WDR7: variants seen among roughly 807,000 people sequenced by gnomAD.
WDR7 encodes WD repeat-containing protein 7.
WDR7 carries 46 observed loss-of-function variants against 169.4 expected under a neutral mutation model. The ratio of observed to expected loss-of-function variants is 0.27; its 90% CI spans 0.21 to 0.35. The LOEUF is 0.35. WDR7 is among the 10% of genes least tolerant of loss of function. WDR7 has a pLI of 1.00. For synonymous variants in WDR7, 612 were observed against 666.8 expected, an observed-to-expected ratio of 0.92 and a Z score of 1.27; for missense variants, 1,534 against 1,859.3, an observed-to-expected ratio of 0.83 and a Z score of 3.22.
intron 16 of WDR7, among the ~76,000 whole-genome samples, chr18:56,760,781 T>C (rs1180611194): frequency 6.6e-6 from 1 of 152,224 alleles, no homozygotes; most frequent in East Asian, 1.9e-4. Flanking sequence ...TTCATCACAA[T>C]GGCTAAAGTG....
At chr18:57,001,272 A>G (rs1332040994) in intron 26 of WDR7, among the ~76,000 whole-genome samples, 6 of 152,140 alleles carry the variant, frequency 3.9e-5, no homozygotes, top group South Asian at 4.2e-4. Context: ...TTCAAGGAGA[A>G]GAACACTTCC....
chr18:56,915,319 A>G (rs1200431051), intron 21 of WDR7, among the ~76,000 whole-genome samples: 2 of 152,192 alleles, frequency 1.3e-5, no homozygotes, highest in African/African-American at 4.8e-5. Flanking sequence ...GACATTAGCA[A>G]GTGGGAAAAG....
chr18:56,752,662 A>G (rs1422466716), intron 14 of WDR7, among the ~76,000 whole-genome samples: 1 of 152,170 alleles, frequency 6.6e-6, no homozygotes, highest in African/African-American at 2.4e-5. Context: ...TGCATTTGTA[A>G]CTTTATGATT....
chr18:56,696,511 A>G lies in WDR7; in HGVS notation c.1578+49A>G, dbSNP rs1397398378. 6.2e-6 allele frequency: 9 copies of G among 1,453,482 alleles called. No individual in the cohort carries two copies. In the South Asian group the frequency reaches 6.5e-5, roughly 10 times the overall value. 90.0% of individuals were successfully genotyped at this position (1,453,482 alleles called of 1,614,324 possible). A position where few individuals can be genotyped will look rare whatever the true frequency, so the allele number is the denominator to read the frequency against. ...TATTTCACTATGGTAGAGCCAAGTTATATTACTATCAGGAATGTAAATGGA... is the reference window on the plus strand; with the variant it reads ...TATTTCACTATGGTAGAGCCAAGTTGTATTACTATCAGGAATGTAAATGGA... On this transcript the variant is annotated intron_variant, in intron 12 of 27. Transcript: ENST00000254442.
chr18:56,954,506 C>CT (rs1316304545), intron 25 of WDR7, among the ~76,000 whole-genome samples: 8 of 151,906 alleles, frequency 5.3e-5, no homozygotes, highest in Non-Finnish European at 1.2e-4. Flanking sequence ...AAAAAGAAAA[C>CT]TATATGTGAA....
At chr18:56,693,251 A>G (rs1230355092) in intron 9 of WDR7, among the ~76,000 whole-genome samples, 1 of 152,188 alleles carries the variant, frequency 6.6e-6, no homozygotes, top group Non-Finnish European at 1.5e-5. Flanking sequence ...TTTCAGGCTA[A>G]GATTCTGTTC....
chr18:56,859,581 C>G (rs938301711), intron 20 of WDR7, among the ~76,000 whole-genome samples: 3 of 152,154 alleles, frequency 2.0e-5, no homozygotes, highest in African/African-American at 4.8e-5. Context: ...ATGTAAGGTA[C>G]AAAAAGGCAG....
At chr18:57,026,923 C>T (rs1373362390) in intron 27 of WDR7, 81 bp from the exon 28 acceptor site, 6 of 1,435,740 alleles carry the variant, frequency 4.2e-6, no homozygotes, top group East Asian at 2.3e-5. Context: ...GGAAAGTAGC[C>T]AGGAGAGATC....
At chr18:56,928,157 C>T (rs1051866099) in intron 22 of WDR7, among the ~76,000 whole-genome samples, 3 of 152,186 alleles carry the variant, frequency 2.0e-5, no homozygotes, top group African/African-American at 7.2e-5. Context: ...AACTGGGATT[C>T]TCCCATGTAA....
intron 20 of WDR7, among the ~76,000 whole-genome samples, chr18:56,859,782 A>G (rs971845865): frequency 6.6e-6 from 1 of 152,234 alleles, no homozygotes; most frequent in South Asian, 2.1e-4. Context: ...ACGTCTTAGT[A>G]ATGATGAGGA....
intron 26 of WDR7, among the ~76,000 whole-genome samples, chr18:57,008,535 G>A (rs890192067): frequency 2.0e-5 from 3 of 152,266 alleles, no homozygotes; most frequent in East Asian, 1.9e-4. Context: ...AGTGCTGGCC[G>A]TTTTCTTGGA....
chr18:56,706,695 AT>A (rs1315543774), intron 12 of WDR7, among the ~76,000 whole-genome samples: 7 of 149,456 alleles, frequency 4.7e-5, no homozygotes, highest in East Asian at 3.9e-4. Context: ...TTTTATTTTT[AT>A]TTTTTTTTTG....
At chr18:56,698,331 G>T (rs1297023296) in intron 12 of WDR7, among the ~76,000 whole-genome samples, 2 of 152,012 alleles carry the variant, frequency 1.3e-5, no homozygotes, top group Non-Finnish European at 2.9e-5. Context: ...AGTGGGCAGG[G>T]CATGGTGGCT....
chr18:56,994,015 T>C (rs12967488), intron 26 of WDR7, among the ~76,000 whole-genome samples: 8 of 107,688 alleles, frequency 7.4e-5, no homozygotes, highest in Admixed American at 4.9e-4. Context: ...ACTTTTTTTT[T>C]CTTTTTTTTT....
chr18:56,779,372 G>T, intron 17 of WDR7, 59 bp from the exon 18 acceptor site: 1 of 1,370,726 alleles, frequency 7.3e-7, no homozygotes, highest in South Asian at 1.4e-5. Flanking sequence ...ATAAAGAACT[G>T]TTGACTTAGG....
chr18:56,663,356 G>C (rs1042573070), intron 1 of WDR7, among the ~76,000 whole-genome samples: 3 of 152,170 alleles, frequency 2.0e-5, no homozygotes, highest in Non-Finnish European at 4.4e-5. Flanking sequence ...AAAGCATTTT[G>C]TAGATTATTG....
intron 27 of WDR7, 124 bp from the exon 28 acceptor site, chr18:57,026,880 A>G: frequency 1.0e-6 from 1 of 996,962 alleles, no homozygotes; most frequent in Non-Finnish European, 1.5e-6. Context: ...GTTAAGAACA[A>G]GCTTAGGTGA....
At chr18:56,680,222 A>G (rs1288684057) in intron 3 of WDR7, among the ~76,000 whole-genome samples, 3 of 152,068 alleles carry the variant, frequency 2.0e-5, no homozygotes, top group Non-Finnish European at 2.9e-5. Flanking sequence ...GCCGGGCATG[A>G]TGGCGTGCAC....
intron 20 of WDR7, among the ~76,000 whole-genome samples, chr18:56,836,297 C>T (rs372545947): frequency 2.0e-5 from 3 of 152,122 alleles, no homozygotes; most frequent in South Asian, 2.1e-4. Context: ...CAAACGAAAC[C>T]GTCTGCCACT....
Sources: gnomAD v4.1 joint callset for allele counts (sites outside exome capture counted in the v4.1 genomes callset) on GRCh38, gnomAD v4.1.1 for gene constraint, MANE v1.5 for transcripts, NCBI Gene and HGNC (gene_info 2026-07-23, HGNC 2026-07-21) for gene names.